TUBGCP2: variants seen among roughly 807,000 people sequenced by gnomAD.
The protein encoded by TUBGCP2 is gamma-tubulin complex component 2.
In TUBGCP2, 55 loss-of-function variants were observed where a neutral mutation model predicts 92.2. That is an observed-to-expected ratio of 0.60 (90% CI 0.48 to 0.75). TUBGCP2 has a LOEUF of 0.75. Ranked by LOEUF, TUBGCP2 falls within the 30% of genes least tolerant of loss-of-function variation. TUBGCP2 has a pLI of 0.00. For missense variants in TUBGCP2, 1,093 were observed against 1,188.9 expected (o/e 0.92, Z 1.19); for synonymous variants, 533 against 505.2 (o/e 1.06, Z -0.74).
At chr10:133,293,267 A>C in intron 6 of TUBGCP2, 29 bp from the exon 7 acceptor site, 2 of 1,609,484 alleles carry the variant, frequency 1.2e-6, no homozygotes, top group Non-Finnish European at 1.7e-6. Context: ...GACTTCCTCA[A>C]AAAGGCAAGC....
In TUBGCP2 at chr10:133,288,932, C is replaced by T. The variant is rs753678052; in HGVS notation, c.1449G>A (p.Ala483=). Residue 483 remains alanine, a synonymous_variant, in exon 10 of 18, where the codon GCG becomes GCA. Transcript: ENST00000252936. ...ACGCCTTCTCGATCTGCTCCACATA[C>T]GCCCGCTCTTTTAACGTGTAGATGA... is the stretch of plus-strand genomic sequence containing the variant. The part of the protein sequence containing the change: ...KEIIYTLKER[A]YVEQIEKAFN... The T allele has an allele frequency of 1.7e-5, 27 of 1,614,154 alleles. No homozygotes were observed. The highest frequency in any genetic ancestry group is 1.6e-4 in the Middle Eastern group (1 of 6,084).
At chr10:133,305,687 C>T (rs947627411) in intron 1 of TUBGCP2, among the ~76,000 whole-genome samples, 1 of 152,096 alleles carries the variant, frequency 6.6e-6, no homozygotes, top group African/African-American at 2.4e-5. Context: ...AGATTCTAAT[C>T]CTGTGTGATG....
chr10:133,302,896 G>C lies in TUBGCP2; in HGVS notation c.46C>G (p.Leu16Val). 1 of 1,614,060 alleles carries C rather than the reference G, an allele frequency of 6.2e-7. No individual in the cohort carries two copies. Among genetic ancestry groups the C allele is most frequent in the Admixed American group, 1.7e-5 (1 of 60,034 alleles). Residue 16 changes from leucine to valine, a missense_variant, in exon 2 of 18, where the codon CTG becomes GTG. By Grantham distance (32) the Leu-to-Val change is conservative. Around this residue, in one of 3 missense-constraint regions of TUBGCP2, gnomAD observed 490 missense variants for 488.5 expected, o/e 1.00. Coordinates refer to ENST00000252936, the MANE Select transcript of TUBGCP2 (RefSeq NM_006659.4). ...IHHDVNELLS[L>V]LRVHGGDGAE... ...CCATCTCCTCCGTGGACACGCAGCA[G>C]GCTAAGCAGTTCATTGACGTCATGG...
chr10:133,303,813 G>T (rs1026563430), intron 1 of TUBGCP2, among the ~76,000 whole-genome samples: 3 of 152,266 alleles, frequency 2.0e-5, no homozygotes, highest in Non-Finnish European at 4.4e-5. Context: ...GCTAGGTGAA[G>T]TTCCACTGCA....
rs750068646 is a variant in TUBGCP2 at position 133,279,288 on chromosome 10, G to A, written c.*478C>T. 1.9e-4 allele frequency: 31 copies of A among 159,940 alleles called. No homozygotes were observed. Among genetic ancestry groups the A allele is most frequent in the Non-Finnish European group, 4.1e-4 (30 of 72,756 alleles). 9.9% of individuals were successfully genotyped at this position (159,940 alleles called of 1,614,324 possible). A position where few individuals can be genotyped will look rare whatever the true frequency, so the allele number is the denominator to read the frequency against. ...GAGGCGGGTGAGTCCTCAGGAGAAGGAACGGGGCTGCCTCTGGGGCCAAAG... is the reference window on the plus strand; with the variant it reads ...GAGGCGGGTGAGTCCTCAGGAGAAGAAACGGGGCTGCCTCTGGGGCCAAAG... On this transcript the variant is annotated 3_prime_UTR_variant, in exon 18 of 18. Coordinates refer to ENST00000252936, the MANE Select transcript of TUBGCP2 (RefSeq NM_006659.4).
In TUBGCP2 at chr10:133,298,023, T is replaced by C. The variant is rs777953843; in HGVS notation, c.545A>G (p.Tyr182Cys). The change falls in exon 5 of 18, where the codon TAT becomes TGT. Residue 182 changes from tyrosine to cysteine, a missense_variant. Physicochemically the swap from Tyr to Cys is radical, Grantham distance 194 (BLOSUM62 -2). Around this residue, in one of 3 missense-constraint regions of TUBGCP2, gnomAD observed 490 missense variants for 488.5 expected, o/e 1.00. Transcript: ENST00000252936. ...QHLPIFPAWV[Y>C]ERPALIGDFL... ...ATCCCCGATCAGGGCAGGTCTCTCA[T>C]ACACCCATGCTGGGAAGATGGGGAG... is the stretch of plus-strand genomic sequence containing the variant. 3 of 1,614,040 alleles carry C rather than the reference T, an allele frequency of 1.9e-6. No homozygotes were observed. The highest frequency in any genetic ancestry group is 1.3e-5 in the African/African-American group (1 of 74,946).
Position 133,302,782 on chromosome 10 carries a change from C to T in TUBGCP2, c.150+10G>A, listed in dbSNP as rs569381613. ...ACCCTGCACAGCGCTACACCAAGGG[C>T]AGTGCTCACCTTGGCACTGTGAGCA... On this transcript the variant is annotated intron_variant, in intron 2 of 17. Coordinates refer to ENST00000252936, the MANE Select transcript of TUBGCP2 (RefSeq NM_006659.4). The T allele has an allele frequency of 6.2e-6, 10 of 1,612,280 alleles. No homozygotes were observed. In the African/African-American group the frequency reaches 1.2e-4, roughly 19 times the overall value.
In TUBGCP2 at chr10:133,299,541, G is replaced by A. The variant is rs750749013; in HGVS notation, c.342C>T (p.Gly114=). Residue 114 remains glycine (G), a synonymous_variant, in exon 4 of 18, where the codon GGC becomes GGT. Transcript: ENST00000252936. ...GGACGTTGATGCTGGTGGTACTGCT[G>A]CCCACAGCAGCGGCTGCAAGCTCAG... The part of the protein sequence containing the change: ...ERAELAAAAV[G]SSTTSINVPA... 1.9e-6 allele frequency: 3 copies of A among 1,613,636 alleles called. No individual in the cohort carries two copies. Among genetic ancestry groups the A allele is most frequent in the East Asian group, 4.5e-5 (2 of 44,884 alleles).
chr10:133,310,058 C>CG (rs1847953875), upstream of TUBGCP2: 1 of 1,608,430 alleles, frequency 6.2e-7, no homozygotes, highest in Non-Finnish European at 8.5e-7. Context: ...CTCGGGTGCT[C>CG]GGGCAAGGCC....
chr10:133,309,161 G>T (rs1564777470), upstream of TUBGCP2: 3 of 1,378,764 alleles, frequency 2.2e-6, no homozygotes, highest in Non-Finnish European at 2.8e-6. Flanking sequence ...GGCGAGGCGG[G>T]GCCGGAGCCT....
At position 133,285,326 on chromosome 10, in the gene TUBGCP2, T is replaced by C. The variant is rs3008335; in HGVS notation, c.1896-113A>G. On this transcript the variant is annotated intron_variant, in intron 12 of 17. Coordinates refer to ENST00000252936, the MANE Select transcript of TUBGCP2 (RefSeq NM_006659.4). This position sits in a 1 kb window ranked among gnomAD's most constrained non-coding sequence, Gnocchi z 6.8. ...GGCCCCCGGACAGCCCGTGAATCTC[T>C]CGGACACTGAAGGCCGGGGAGAGCC... 0.9 allele frequency: 1,422,372 copies of C among 1,588,400 alleles called. 637,340 individuals are homozygous for C. The highest frequency in any genetic ancestry group is 0.94 in the East Asian group (41,170 of 43,998).
At chr10:133,281,207 G>A in intron 17 of TUBGCP2, 66 bp downstream of exon 17, 1 of 1,571,052 alleles carries the variant, frequency 6.4e-7, no homozygotes, top group Non-Finnish European at 8.6e-7. Context: ...AGCCAGGGCG[G>A]TGCTGGGCAG....
rs1387980578 is a variant in TUBGCP2 at position 133,291,258 on chromosome 10, CT to C, written c.1214+1240del. 2.7e-3 allele frequency among the ~76,000 whole-genome samples: 196 copies of C among 73,936 alleles called. 2 individuals are homozygous for C. The African/African-American group carries it at 0.036, about 14-fold the overall frequency. 48.5% of individuals were successfully genotyped at this position (73,936 alleles called of 152,430 possible). A position where few individuals can be genotyped will look rare whatever the true frequency, so the allele number is the denominator to read the frequency against. On this transcript the variant is annotated intron_variant, in intron 8 of 17. Transcript: ENST00000252936. Reference sequence around the variant, plus strand: ...CGCGCCCTCCGTGTCCCCCATGTCCCTCCGTGTCCCCCATGTCCCTCCGTGT... The same window carrying C: ...CGCGCCCTCCGTGTCCCCCATGTCCCCCGTGTCCCCCATGTCCCTCCGTGT...
intron 9 of TUBGCP2, among the ~76,000 whole-genome samples, chr10:133,289,535 GA>G (rs1314801862): frequency 6.6e-6 from 1 of 152,166 alleles, no homozygotes. Flanking sequence ...TTAGAAATCA[GA>G]AACAGAAATA....
chr10:133,280,208 CT>C (rs1564932820), intron 17 of TUBGCP2, among the ~76,000 whole-genome samples: 1 of 152,202 alleles, frequency 6.6e-6, no homozygotes, highest in Non-Finnish European at 1.5e-5. Context: ...CTGTTCAGTC[CT>C]GCTCAAAGGC....
chr10:133,279,590 C>T lies in TUBGCP2; in HGVS notation c.*176G>A, dbSNP rs1846913135. On this transcript the variant is annotated 3_prime_UTR_variant, in exon 18 of 18. Coordinates refer to ENST00000252936, the MANE Select transcript of TUBGCP2 (RefSeq NM_006659.4). ...CAGGGAGACATCCACCCTGCCTGGG[C>T]AGCTTCTATAAAACGAAACCCAGCG... 1 of 951,126 alleles carries T rather than the reference C, an allele frequency of 1.1e-6. No individual in the cohort carries two copies. The highest frequency in any genetic ancestry group is 1.5e-6 in the Non-Finnish European group (1 of 685,292). 58.9% of individuals were successfully genotyped at this position (951,126 alleles called of 1,614,324 possible).
At chr10:133,283,629 C>T (rs1019451798) in intron 14 of TUBGCP2, among the ~76,000 whole-genome samples, 1 of 140,006 alleles carries the variant, frequency 7.1e-6, no homozygotes, top group Non-Finnish European at 1.5e-5. Flanking sequence ...GGATCCCTTC[C>T]TCTCCCCTTG....
chr10:133,307,614 G>A (rs1174051512), intron 1 of TUBGCP2, among the ~76,000 whole-genome samples: 2 of 152,144 alleles, frequency 1.3e-5, no homozygotes, highest in African/African-American at 2.4e-5. Flanking sequence ...GCCTGGTGGC[G>A]CACACTTGTA....
At chr10:133,308,899 T>G, upstream of TUBGCP2, 1 of 1,204,350 alleles carries the variant, frequency 8.3e-7, no homozygotes, top group Non-Finnish European at 1.0e-6. Flanking sequence ...CCGGCTCGGC[T>G]CGCGGACGGT....
Sources: gnomAD v4.1 joint callset for allele counts (sites outside exome capture counted in the v4.1 genomes callset) on GRCh38, gnomAD v4.1.1 for gene constraint, gnomAD v4.1.1 regional missense constraint, Gnocchi (gnomAD v3.1) non-coding constraint, MANE v1.5 for transcripts, NCBI Gene and HGNC (gene_info 2026-07-23, HGNC 2026-07-21) for gene names.